The following TTC12 variants were observed in gnomAD, a reference collection of about 807,000 sequenced individuals.
TTC12 encodes the protein tetratricopeptide repeat protein 12.
TTC12 carries 70 observed loss-of-function variants against 90.1 expected under a neutral mutation model. That is an observed-to-expected ratio of 0.78 (90% CI 0.64 to 0.95). TTC12 has a LOEUF of 0.95. Ranked by LOEUF, TTC12 falls within the 40% of genes least tolerant of loss-of-function variation. The probability of loss-of-function intolerance (pLI) is 0.00; values close to 1 mark genes in which losing one functional copy is unlikely to be tolerated. For missense variants in TTC12, 819 were observed against 846.1 expected, an observed-to-expected ratio of 0.97 and a Z score of 0.40; for synonymous variants, 296 against 311.5, an observed-to-expected ratio of 0.95 and a Z score of 0.53.
intron 6 of TTC12, among the ~76,000 whole-genome samples, chr11:113,326,946 G>C (rs1418134871): frequency 6.6e-6 from 1 of 152,112 alleles, no homozygotes. Context: ...TGACAATTCA[G>C]AGGCATCACT....
chr11:113,354,351 G>A (rs1420063490), intron 16 of TTC12, among the ~76,000 whole-genome samples: 1 of 152,130 alleles, frequency 6.6e-6, no homozygotes, highest in Non-Finnish European at 1.5e-5. Flanking sequence ...TTAGCTTCAG[G>A]AGCTTTTGGG....
chr11:113,325,727 A>G, intron 6 of TTC12, 82 bp downstream of exon 6: 1 of 1,560,446 alleles, frequency 6.4e-7, no homozygotes, highest in South Asian at 1.2e-5. Context: ...ATGAGGCTAG[A>G]TGTTGGGCTG....
chr11:113,340,853 T>A, intron 11 of TTC12, 120 bp downstream of exon 11: 1 of 805,258 alleles, frequency 1.2e-6, no homozygotes, highest in Non-Finnish European at 2.1e-6. Flanking sequence ...CTTCAGTCAG[T>A]AGTGGGGGGC....
In TTC12 at chr11:113,329,976, C is replaced by T. The variant is rs1328284868; in HGVS notation, c.501C>T (p.Leu167=). 2 of 1,612,240 alleles carry T rather than the reference C, an allele frequency of 1.2e-6. No homozygotes were observed. The highest frequency in any genetic ancestry group is 1.7e-5 in the Admixed American group (1 of 59,998). ...CACTGGTGGATTGTGAGTGGGCTCTCAAGGTAAGAGGGTATTTCTTTTCCC... is the reference window on the plus strand; with the variant it reads ...CACTGGTGGATTGTGAGTGGGCTCTTAAGGTAAGAGGGTATTTCTTTTCCC... ...EKALVDCEWA[L]KCDEKCTKAY... is the part of the protein sequence containing the mutation. The change falls in exon 7 of 22, where the codon CTC becomes CTT. Residue 167 remains leucine, a synonymous_variant. Coordinates refer to ENST00000529221, the MANE Select transcript of TTC12 (RefSeq NM_017868.4).
At chr11:113,349,471 G>A (rs1218180054) in intron 13 of TTC12, among the ~76,000 whole-genome samples, 6 of 152,204 alleles carry the variant, frequency 3.9e-5, no homozygotes, top group Non-Finnish European at 7.3e-5. Flanking sequence ...TTTGGCATCT[G>A]TGTTAGACTG....
chr11:113,339,099 T>G lies in TTC12; in HGVS notation c.638-187T>G, dbSNP rs576095968. 3.3e-5 allele frequency among the ~76,000 whole-genome samples: 5 copies of G among 152,266 alleles called. No homozygotes were observed. The East Asian group carries it at 7.7e-4, about 24-fold the overall frequency. ...GACTCCCTTGAATCCCCAACAAGGTTTAAGATTCTGGTTGTAGATTTAGAC... is the reference window on the plus strand; with the variant it reads ...GACTCCCTTGAATCCCCAACAAGGTGTAAGATTCTGGTTGTAGATTTAGAC... On this transcript the variant is annotated intron_variant, in intron 9 of 21. Transcript: ENST00000529221.
chr11:113,343,555 G>A (rs1948792263), intron 12 of TTC12, among the ~76,000 whole-genome samples: 1 of 152,160 alleles, frequency 6.6e-6, no homozygotes, highest in Non-Finnish European at 1.5e-5. Context: ...TGTGCTGTGT[G>A]TAAATGGGTA....
Position 113,324,649 on chromosome 11 carries a change from A to G in TTC12, c.289A>G (p.Lys97Glu), listed in dbSNP as rs1947572972. ...GGAGAAGGATGCAAAGGAACGAGCC[A>G]AGAGAAGAAGGGAAAACAAAGTCTT... ...SVEKDAKERA[K>E]RRRENKVLAD... The change falls in exon 5 of 22, where the codon AAG becomes GAG. Residue 97 changes from lysine to glutamate, a missense_variant. By Grantham distance (56) the Lys-to-Glu change is moderately conservative. Transcript: ENST00000529221. The G allele has an allele frequency of 6.2e-7, 1 of 1,613,928 alleles. No homozygotes were observed. Among genetic ancestry groups the G allele is most frequent in the Non-Finnish European group, 8.5e-7 (1 of 1,179,974 alleles).
Position 113,363,839 on chromosome 11 carries a change from G to C in TTC12, c.1728G>C (p.Glu576Asp), listed in dbSNP as rs756754240. Reference sequence around the variant, plus strand: ...ATTCTGAAATCTAGACAGGAGGTGAGACTGCATCACGTTATGCTATAAAGA... The same window carrying C: ...ATTCTGAAATCTAGACAGGAGGTGACACTGCATCACGTTATGCTATAAAGA... ...KMMKFLKTGG[E>D]TASRYAIKIL... Residue 576 changes from glutamate to aspartate, a missense_variant, in exon 20 of 22, where the codon GAG becomes GAC. Coordinates refer to ENST00000529221, the MANE Select transcript of TTC12 (RefSeq NM_017868.4). The C allele has an allele frequency of 2.5e-6, 4 of 1,610,694 alleles. No homozygotes were observed. Among genetic ancestry groups the C allele is most frequent in the Non-Finnish European group, 3.4e-6 (4 of 1,177,538 alleles).
intron 17 of TTC12, 31 bp downstream of exon 17, chr11:113,359,492 C>T (rs1949797647): frequency 1.4e-6 from 2 of 1,414,842 alleles, no homozygotes; most frequent in Non-Finnish European, 2.0e-6. Context: ...TGCCTGGAGC[C>T]CTGGGACAAC....
intron 17 of TTC12, 73 bp downstream of exon 17, chr11:113,359,534 C>G (rs1330631830): frequency 1.9e-6 from 2 of 1,029,382 alleles, no homozygotes; most frequent in African/African-American, 3.2e-5. Flanking sequence ...AAACCATTCT[C>G]ATGTTCACGA....
In TTC12 at chr11:113,357,096, A is replaced by G. The variant is rs112055408; in HGVS notation, c.1447-2267A>G. ...AGATTGGGGCTCTTTACATAATTCT[A>G]TATTCCTCAGAGGTTTTTCTCATTC... On this transcript the variant is annotated intron_variant, in intron 16 of 21. Transcript: ENST00000529221. Among the ~76,000 whole-genome samples, 618 of 152,316 alleles carry G rather than the reference A, an allele frequency of 4.1e-3. 3 individuals are homozygous for G. Among genetic ancestry groups the G allele is most frequent in the African/African-American group, 0.014 (577 of 41,576 alleles).
Position 113,323,464 on chromosome 11 carries a change from A to T in TTC12, c.222+13A>T, listed in dbSNP as rs781976679. ...AACTGCTATGAAGGTTTCTTTTTCT[A>T]TTGAGAAGTTATATAAGTACTTACA... On this transcript the variant is annotated intron_variant, in intron 3 of 21. Transcript: ENST00000529221. 1.9e-6 allele frequency: 3 copies of T among 1,553,874 alleles called. No homozygotes were observed. In the Admixed American group the frequency reaches 6.2e-5, roughly 32 times the overall value.
chr11:113,351,072 A>G lies in TTC12; in HGVS notation c.1248-167A>G, dbSNP rs74423358. On this transcript the variant is annotated intron_variant, in intron 14 of 21. Transcript: ENST00000529221. ...CCAGACTCAGAAAAATTAGAGCCAC[A>G]TTACATACACAGTGACATGCTTTTT... 1.9e-3 allele frequency among the ~76,000 whole-genome samples: 283 copies of G among 152,354 alleles called. 1 individual carries two copies. Among genetic ancestry groups the G allele is most frequent in the East Asian group, 0.014 (73 of 5,178 alleles).
intron 20 of TTC12, chr11:113,364,437 T>C: frequency 3.9e-6 from 1 of 256,174 alleles, no homozygotes; most frequent in African/African-American, 2.2e-5. Context: ...GCCTTTCTCC[T>C]GGATCCTGTT....
At chr11:113,353,793 G>T (rs1229142569) in intron 16 of TTC12, among the ~76,000 whole-genome samples, 1 of 152,086 alleles carries the variant, frequency 6.6e-6, no homozygotes, top group Admixed American at 6.5e-5. Flanking sequence ...TCTTATTTCT[G>T]CGTTCTTTAT....
intron 7 of TTC12, among the ~76,000 whole-genome samples, chr11:113,334,455 CA>C (rs1206198713): frequency 7.8e-6 from 1 of 128,102 alleles, no homozygotes; most frequent in African/African-American, 2.5e-5. Flanking sequence ...TTCCCAGGTC[CA>C]CTAAGATATA....
At chr11:113,364,768 G>A (rs1288960716) in intron 20 of TTC12, 67 bp from the exon 21 acceptor site, 122 of 1,354,870 alleles carry the variant, frequency 9.0e-5, no homozygotes, top group Non-Finnish European at 1.2e-4. Flanking sequence ...CACCCCTCAT[G>A]TCCTGTTGCC....
At chr11:113,333,354 G>C (rs1008719217) in intron 7 of TTC12, among the ~76,000 whole-genome samples, 2 of 152,076 alleles carry the variant, frequency 1.3e-5, no homozygotes, top group Non-Finnish European at 2.9e-5. Flanking sequence ...CTAAGACTCA[G>C]CCCAGATCCC....
Sources: allele counts gnomAD v4.1 joint callset (sites outside exome capture counted in the v4.1 genomes callset), GRCh38; gene constraint gnomAD v4.1.1; transcripts MANE v1.5; gene names NCBI Gene and HGNC (gene_info 2026-07-23, HGNC 2026-07-21).